The following GPC6 variants were observed in gnomAD, a reference collection of about 807,000 sequenced individuals.
GPC6 encodes the protein glypican 6.
In GPC6, 14 loss-of-function variants were observed where a neutral mutation model predicts 55.2. The ratio of observed to expected loss-of-function variants is 0.25; its 90% CI spans 0.17 to 0.40. The LOEUF (loss-of-function observed/expected upper bound fraction) is 0.40, where lower values mean the gene tolerates loss of function less well. Ranked by LOEUF, GPC6 falls within the 10% of genes least tolerant of loss-of-function variation. The pLI is 1.00. For missense variants in GPC6, 641 were observed against 708.5 expected (o/e 0.90, Z 1.08); for synonymous variants, 278 against 259.6 (o/e 1.07, Z -0.68).
chr13:94,404,549 A>C lies in GPC6; in HGVS notation c.*1332A>C, dbSNP rs1881290104. 1 of 152,168 alleles carries C rather than the reference A, an allele frequency of 6.6e-6. No homozygotes were observed. Among genetic ancestry groups the C allele is most frequent in the African/African-American group, 2.4e-5 (1 of 41,426 alleles). 9.4% of individuals were successfully genotyped at this position (152,168 alleles called of 1,614,324 possible). On this transcript the variant is annotated 3_prime_UTR_variant, in exon 9 of 9. Transcript: ENST00000377047. ...CAAGAATCAAGAAAGAGAACTTTTTATGTATCTAACTGTCCATTTATTAAA... is the reference window on the plus strand; with the variant it reads ...CAAGAATCAAGAAAGAGAACTTTTTCTGTATCTAACTGTCCATTTATTAAA...
chr13:93,280,944 C>T (rs1453873527), intron 1 of GPC6, among the ~76,000 whole-genome samples: 6 of 152,180 alleles, frequency 3.9e-5, no homozygotes. Flanking sequence ...CTGTAATGCT[C>T]GTCCCTTGCT....
intron 3 of GPC6, among the ~76,000 whole-genome samples, chr13:93,998,631 TC>T (rs1375116880): frequency 6.6e-6 from 1 of 152,132 alleles, no homozygotes; most frequent in African/African-American, 2.4e-5. Context: ...AATTTTGAGG[TC>T]AATAGTTACT....
At chr13:93,317,333 G>A (rs1437980195) in intron 1 of GPC6, among the ~76,000 whole-genome samples, 1 of 152,048 alleles carries the variant, frequency 6.6e-6, no homozygotes, top group African/African-American at 2.4e-5. Flanking sequence ...AACAGAAAAA[G>A]TGACTTAATA....
At chr13:93,674,213 C>T (rs147592710) in intron 2 of GPC6, among the ~76,000 whole-genome samples, 4 of 152,090 alleles carry the variant, frequency 2.6e-5, no homozygotes, top group African/African-American at 9.7e-5. Flanking sequence ...TTACTAAACA[C>T]TATTGGAGGG....
chr13:93,424,403 C>T (rs983970892), intron 1 of GPC6, among the ~76,000 whole-genome samples: 12 of 152,054 alleles, frequency 7.9e-5, no homozygotes, highest in Non-Finnish European at 1.3e-4. Flanking sequence ...AGAAACTCGG[C>T]TGTAAGCTGT....
chr13:94,139,157 A>C (rs557816957), intron 4 of GPC6, among the ~76,000 whole-genome samples: 2 of 152,024 alleles, frequency 1.3e-5, no homozygotes, highest in South Asian at 4.2e-4. Context: ...ATGATGAAGG[A>C]CCCGCAAAAC....
intron 3 of GPC6, among the ~76,000 whole-genome samples, chr13:93,946,339 C>T (rs892435431): frequency 6.6e-6 from 1 of 151,970 alleles, no homozygotes; most frequent in Non-Finnish European, 1.5e-5. Flanking sequence ...GCTATGTTGC[C>T]CAGGCTGGTC....
intron 7 of GPC6, among the ~76,000 whole-genome samples, chr13:94,382,796 A>G (rs553908645): frequency 3.9e-5 from 6 of 152,332 alleles, no homozygotes; most frequent in Admixed American, 3.3e-4. Context: ...GGACAGAGGA[A>G]TGGTGGCAGA....
intron 2 of GPC6, among the ~76,000 whole-genome samples, chr13:93,571,825 G>C (rs1194121236): frequency 6.6e-6 from 1 of 152,102 alleles, no homozygotes; most frequent in African/African-American, 2.4e-5. Context: ...TGGATGACTA[G>C]ATAATTTTCT....
chr13:93,666,462 A>G (rs1186604137), intron 2 of GPC6, among the ~76,000 whole-genome samples: 1 of 152,174 alleles, frequency 6.6e-6, no homozygotes, highest in Admixed American at 6.5e-5. Flanking sequence ...TTATCAATGC[A>G]GACAAAAATG....
chr13:93,231,224 A>G (rs1322549441), intron 1 of GPC6, among the ~76,000 whole-genome samples: 2 of 150,846 alleles, frequency 1.3e-5, no homozygotes, highest in African/African-American at 4.9e-5. Context: ...TCCAGGGTCT[A>G]TATACCTAAC....
intron 1 of GPC6, among the ~76,000 whole-genome samples, chr13:93,336,244 A>G (rs1255036630): frequency 6.6e-6 from 1 of 152,186 alleles, no homozygotes; most frequent in Non-Finnish European, 1.5e-5. Context: ...TGTGTGGAGT[A>G]AAAAGTTTTT....
chr13:94,002,560 A>C (rs1881851531), intron 3 of GPC6, among the ~76,000 whole-genome samples: 1 of 152,158 alleles, frequency 6.6e-6, no homozygotes, highest in East Asian at 1.9e-4. Flanking sequence ...TTATCAATAT[A>C]GTAGAGAGAC....
intron 3 of GPC6, among the ~76,000 whole-genome samples, chr13:93,955,763 C>A (rs1879482259): frequency 6.6e-6 from 1 of 152,146 alleles, no homozygotes; most frequent in Non-Finnish European, 1.5e-5. Context: ...AACTGTTTTA[C>A]TCTTGCAAAG....
chr13:93,272,249 T>G (rs1310209768), intron 1 of GPC6, among the ~76,000 whole-genome samples: 2 of 151,982 alleles, frequency 1.3e-5, no homozygotes, highest in African/African-American at 4.8e-5. Flanking sequence ...ATGACTTAGC[T>G]TTGGGAATAT....
intron 4 of GPC6, among the ~76,000 whole-genome samples, chr13:94,130,145 G>A (rs1886959087): frequency 6.6e-6 from 1 of 152,046 alleles, no homozygotes; most frequent in African/African-American, 2.4e-5. Context: ...AAACTCAGAT[G>A]AACACACATG....
chr13:93,504,284 G>C (rs1880625606), intron 1 of GPC6, among the ~76,000 whole-genome samples: 1 of 151,980 alleles, frequency 6.6e-6, no homozygotes, highest in Non-Finnish European at 1.5e-5. Flanking sequence ...ATTAGAATTA[G>C]CAAATAAGAA....
chr13:93,929,237 T>G (rs1455065311), intron 3 of GPC6, among the ~76,000 whole-genome samples: 2 of 152,224 alleles, frequency 1.3e-5, no homozygotes, highest in Non-Finnish European at 2.9e-5. Context: ...AGGAGATTTA[T>G]GGCCACAAGG....
In GPC6 at chr13:93,454,494, C is replaced by T. The variant is rs547021518; in HGVS notation, c.161-90769C>T. On this transcript the variant is annotated intron_variant, in intron 1 of 8. Transcript: ENST00000377047. The stretch of plus-strand genomic sequence containing the variant: ...TAGACATAAAGGTTCTCCAAGGCCC[C>T]ACCAGAGTAGCTAGATACAGAGTGT... Among the ~76,000 whole-genome samples the T allele has an allele frequency of 2.0e-5, 3 of 150,546 alleles. No individual in the cohort carries two copies. In the East Asian group the frequency reaches 5.9e-4, roughly 30 times the overall value.
Sources: gnomAD v4.1 joint callset for allele counts (sites outside exome capture counted in the v4.1 genomes callset) on GRCh38, gnomAD v4.1.1 for gene constraint, MANE v1.5 for transcripts, NCBI Gene and HGNC (gene_info 2026-07-23, HGNC 2026-07-21) for gene names.